LRRC63: variants seen among roughly 807,000 people sequenced by gnomAD.
The protein encoded by LRRC63 is leucine rich repeat containing 63.
A neutral mutation model predicts 49.5 loss-of-function variants in LRRC63; 40 were observed. The ratio of observed to expected loss-of-function variants is 0.81; its 90% confidence interval spans 0.63 to 1.05. The LOEUF is 1.05. LRRC63 is among the 50% of genes least tolerant of loss of function. The pLI, the probability that LRRC63 is intolerant of heterozygous loss-of-function variation, is 0.00. For missense variants in LRRC63, 636 were observed against 663.1 expected (o/e 0.96, Z 0.45); for synonymous variants, 191 against 221.1 (o/e 0.86, Z 1.21).
intron 2 of LRRC63, among the ~76,000 whole-genome samples, chr13:46,226,827 C>T (rs2046591227): frequency 6.6e-6 from 1 of 152,172 alleles, no homozygotes; most frequent in Non-Finnish European, 1.5e-5. Flanking sequence ...AATCTATTAT[C>T]TCCTCATTTG....
At chr13:46,255,671 T>TATATATATATA (rs1487104632) in intron 7 of LRRC63, among the ~76,000 whole-genome samples, 11 of 148,322 alleles carry the variant, frequency 7.4e-5, no homozygotes, top group South Asian at 2.2e-4. Flanking sequence ...TATATAGTTA[T>TATATATATATA]TAGTAACCTC....
intron 4 of LRRC63, among the ~76,000 whole-genome samples, chr13:46,231,078 A>T (rs780642034): frequency 6.6e-6 from 1 of 152,210 alleles, no homozygotes; most frequent in African/African-American, 2.4e-5. Context: ...CTTCACTGTC[A>T]ATATAAATAT....
At chr13:46,263,238 A>G (rs56725097) in intron 8 of LRRC63, among the ~76,000 whole-genome samples, 34,544 of 151,886 alleles carry the variant, frequency 0.23, 4,649 homozygotes, top group East Asian at 0.35. Flanking sequence ...GTGCAGTGGT[A>G]TGATCATAGC....
intron 8 of LRRC63, 149 bp downstream of exon 8, chr13:46,262,141 A>G (rs1478176241): frequency 2.9e-6 from 1 of 347,122 alleles, no homozygotes; most frequent in Non-Finnish European, 5.2e-6. Context: ...AATTTGAATG[A>G]TTGGTGTACA....
intron 7 of LRRC63, among the ~76,000 whole-genome samples, chr13:46,261,633 A>T (rs2047616075): frequency 6.6e-6 from 1 of 152,142 alleles, no homozygotes; most frequent in Admixed American, 6.5e-5. Flanking sequence ...AAACTAATGC[A>T]ACAACAACAA....
chr13:46,227,965 C>T, exon 3 of LRRC63: 1 of 1,550,828 alleles, frequency 6.4e-7, no homozygotes. Flanking sequence ...AAGCATCAAC[C>T]TTTACCAGAG....
At position 46,267,938 on chromosome 13, in the gene LRRC63, G is replaced by T. The variant is rs922447013; in HGVS notation, c.1550+966G>T. On this transcript the variant is annotated intron_variant, in intron 9 of 9. Coordinates refer to ENST00000595396, the Ensembl canonical transcript of LRRC63. The stretch of plus-strand genomic sequence containing the variant: ...AGAGGCTAAATGGTCCCAGAGCAGC[G>T]AACTAACTCTCCCAGCAGAAAAAAA... 3.4e-4 allele frequency among the ~76,000 whole-genome samples: 52 copies of T among 152,094 alleles called. 1 individual carries two copies. Among genetic ancestry groups the T allele is most frequent in the Admixed American group, 2.7e-3 (41 of 15,270 alleles).
chr13:46,257,808 A>T (rs2047539246), intron 7 of LRRC63, among the ~76,000 whole-genome samples: 1 of 152,174 alleles, frequency 6.6e-6, no homozygotes, highest in African/African-American at 2.4e-5. Context: ...AACATAGAAA[A>T]ATGGTTGTTT....
At chr13:46,220,866 C>T (rs2046387524) in intron 2 of LRRC63, among the ~76,000 whole-genome samples, 1 of 152,136 alleles carries the variant, frequency 6.6e-6, no homozygotes, top group Non-Finnish European at 1.5e-5. Flanking sequence ...GGGTTGGGAG[C>T]TCCCGGACCC....
At chr13:46,263,458 T>C (rs1027201098) in intron 8 of LRRC63, among the ~76,000 whole-genome samples, 26 of 149,578 alleles carry the variant, frequency 1.7e-4, no homozygotes, top group African/African-American at 5.9e-4. Context: ...TTTGGCATTC[T>C]ATTGTACTAC....
At chr13:46,248,655 G>A (rs1248078588) in intron 6 of LRRC63, among the ~76,000 whole-genome samples, 2 of 151,846 alleles carry the variant, frequency 1.3e-5, no homozygotes, top group Non-Finnish European at 2.9e-5. Context: ...AGGAATTGGA[G>A]GAATAGAAAA....
Position 46,276,233 on chromosome 13 carries a change from C to A in LRRC63, c.1551-357C>A, listed in dbSNP as rs1020191397. 3.3e-3 allele frequency among the ~76,000 whole-genome samples: 506 copies of A among 151,652 alleles called. 2 individuals carry two copies. Among genetic ancestry groups the A allele is most frequent in the African/African-American group, 0.012 (478 of 41,358 alleles). ...ATTTATTTTGTATCATAAAAAATAA[C>A]ATGTTTATTATAAAAAATTAGAAAA... On this transcript the variant is annotated intron_variant, in intron 9 of 9. Coordinates refer to ENST00000595396, the Ensembl canonical transcript of LRRC63.
At chr13:46,258,222 T>C (rs1369596885) in intron 7 of LRRC63, among the ~76,000 whole-genome samples, 3 of 147,186 alleles carry the variant, frequency 2.0e-5, no homozygotes, top group Non-Finnish European at 3.0e-5. Context: ...CTCTGCCTCC[T>C]AGGTTCGAGC....
At chr13:46,275,798 C>T (rs1001135994) in intron 9 of LRRC63, among the ~76,000 whole-genome samples, 12 of 151,914 alleles carry the variant, frequency 7.9e-5, no homozygotes, top group African/African-American at 1.9e-4. Context: ...GTTTTTAATT[C>T]GAGATTAGTC....
chr13:46,270,545 A>G lies in LRRC63; in HGVS notation c.1550+3573A>G, dbSNP rs749977095. 3 of 829,170 alleles carry G rather than the reference A, an allele frequency of 3.6e-6. No homozygotes were observed. The African/African-American group carries it at 5.0e-5, about 14-fold the overall frequency. The allele number at this position is 829,170 out of a possible 1,614,324, so 51.4% of individuals were successfully genotyped here. A position where few individuals can be genotyped will look rare whatever the true frequency, so the allele number is the denominator to read the frequency against. On this transcript the variant is annotated intron_variant, in intron 9 of 9. Transcript: ENST00000595396. ...CAAATTTGAAGAAAGTAAAAACATA[A>G]CAGAAGGGTTACTGACACAAAAACG...
intron 2 of LRRC63, among the ~76,000 whole-genome samples, chr13:46,216,526 A>G (rs1036387025): frequency 1.3e-5 from 2 of 152,200 alleles, no homozygotes; most frequent in Non-Finnish European, 2.9e-5. Context: ...GGCTGAGACA[A>G]TGGGATTTTC....
intron 7 of LRRC63, 122 bp downstream of exon 7, chr13:46,250,613 A>G (rs893976646): frequency 1.3e-6 from 1 of 771,794 alleles, no homozygotes; most frequent in Non-Finnish European, 2.0e-6. Context: ...ATTCTATTCT[A>G]ATTAGCTAAT....
At chr13:46,228,186 A>G (rs1384925810) in exon 3 of LRRC63, 1 of 1,539,612 alleles carries the variant, frequency 6.5e-7, no homozygotes, top group African/African-American at 1.4e-5. Context: ...GCAGTCTGTG[A>G]TAGGTAAATA....
chr13:46,273,619 A>G (rs1309646024), intron 9 of LRRC63, among the ~76,000 whole-genome samples: 2 of 150,340 alleles, frequency 1.3e-5, no homozygotes, highest in African/African-American at 4.9e-5. Flanking sequence ...AAAAAAAAAA[A>G]AGAGTAGCGG....
Sources: allele counts gnomAD v4.1 joint callset (sites outside exome capture counted in the v4.1 genomes callset), GRCh38; gene constraint gnomAD v4.1.1; transcripts MANE v1.5; gene names NCBI Gene and HGNC (gene_info 2026-07-23, HGNC 2026-07-21).